Variants in RUFY2 observed in about 807,000 individuals in gnomAD.
RUFY2 encodes RUN and FYVE domain-containing protein 2.
Under a neutral mutation model 94.4 loss-of-function variants are expected in RUFY2, and 49 were observed. The ratio of observed to expected loss-of-function variants is 0.52; its 90% CI spans 0.41 to 0.66. RUFY2 has a LOEUF of 0.66. RUFY2 is among the 30% of genes least tolerant of loss of function. The pLI, the probability that RUFY2 is intolerant of heterozygous loss-of-function variation, is 0.00. For missense variants in RUFY2, 541 were observed against 692.8 expected, an observed-to-expected ratio of 0.78 and a Z score of 2.46; for synonymous variants, 255 against 235.7, an observed-to-expected ratio of 1.08 and a Z score of -0.75.
At chr10:68,342,823 T>TTAAG (rs1411925446), downstream of RUFY2, 2 of 152,602 alleles carry the variant, frequency 1.3e-5, no homozygotes, top group African/African-American at 2.4e-5. Context: ...GAATTCAGTA[T>TTAAG]TAAGTACATA....
intron 3 of RUFY2, among the ~76,000 whole-genome samples, chr10:68,401,275 TC>T (rs2050828001): frequency 6.6e-6 from 1 of 152,110 alleles, no homozygotes; most frequent in South Asian, 2.1e-4. Flanking sequence ...CCTAAATCAG[TC>T]TTTCCTCAAT....
chr10:68,376,572 G>C (rs1238067644), intron 13 of RUFY2, among the ~76,000 whole-genome samples: 1 of 143,820 alleles, frequency 7.0e-6, no homozygotes, highest in Non-Finnish European at 1.5e-5. Context: ...GAAACATAAT[G>C]ACCATCAGAT....
intron 13 of RUFY2, among the ~76,000 whole-genome samples, chr10:68,365,651 T>C (rs1311472759): frequency 6.6e-6 from 1 of 152,244 alleles, no homozygotes; most frequent in Non-Finnish European, 1.5e-5. Context: ...CAATATTTAA[T>C]ATTAGAAGTG....
At chr10:68,406,634 G>A (rs1043451379) in intron 1 of RUFY2, 9 of 959,064 alleles carry the variant, frequency 9.4e-6, no homozygotes, top group Admixed American at 6.2e-5. Flanking sequence ...GAGTACCAGG[G>A]CCAGTGCCCG....
chr10:68,368,797 T>C lies in RUFY2; in HGVS notation c.1326-4684A>G, dbSNP rs141472668. Among the ~76,000 whole-genome samples the C allele has an allele frequency of 3.2e-3, 481 of 152,222 alleles. 2 individuals are homozygous for C. Among genetic ancestry groups the C allele is most frequent in the African/African-American group, 0.011 (446 of 41,546 alleles). ...TATCTCATATATAGCTCATATTGGG[T>C]GTTGATGAAGCCCTCAACCCATTAA... On this transcript the variant is annotated intron_variant, in intron 13 of 17. Transcript: ENST00000602465.
rs764172830 is a variant in RUFY2, at chr10:68,376,442, GTATATATATATA to G, written c.1325+399_1325+410del. Reference sequence around the variant, plus strand: ...GAAACTTCATCTCAAAAAAATGTGTGTATATATATATATATATATATATATATATATATATAT... The same window carrying G: ...GAAACTTCATCTCAAAAAAATGTGTGTATATATATATATATATATATATAT... On this transcript the variant is annotated intron_variant, in intron 13 of 17. Transcript: ENST00000602465. Among the ~76,000 whole-genome samples the G allele has an allele frequency of 5.4e-3, 151 of 27,958 alleles. 5 individuals are homozygous for G. The highest frequency in any genetic ancestry group is 8.6e-3 in the African/African-American group (117 of 13,606). The allele number at this position is 27,958 out of a possible 152,430, so 18.3% of individuals were successfully genotyped here.
Position 68,345,341 on chromosome 10 carries a change from G to T in RUFY2, c.*427C>A, listed in dbSNP as rs1438319576. 1 of 337,604 alleles carries T rather than the reference G, an allele frequency of 3.0e-6. No homozygotes were observed. The highest frequency in any genetic ancestry group is 5.3e-6 in the Non-Finnish European group (1 of 189,086). The allele number at this position is 337,604 out of a possible 1,614,324, so 20.9% of individuals were successfully genotyped here. A position where few individuals can be genotyped will look rare whatever the true frequency, so the allele number is the denominator to read the frequency against. ...CTTACAAAGATAATGAAAATCTGTT[G>T]AATTAGAATATTAATAATTTTAAAA... On this transcript the variant is annotated 3_prime_UTR_variant, in exon 18 of 18. Coordinates refer to ENST00000602465, the MANE Select transcript of RUFY2 (RefSeq NM_001330103.2).
intron 13 of RUFY2, among the ~76,000 whole-genome samples, chr10:68,365,665 T>TG (rs1389873788): frequency 1.3e-5 from 2 of 152,258 alleles, no homozygotes; most frequent in Non-Finnish European, 2.9e-5. Context: ...AGAAGTGTTC[T>TG]GGTCTTTAAT....
rs1034669158 is a variant in RUFY2, at chr10:68,349,828, G to A, written c.1600-3744C>T. Among the ~76,000 whole-genome samples, 8 of 150,994 alleles carry A rather than the reference G, an allele frequency of 5.3e-5. No homozygotes were observed. The East Asian group carries it at 6.0e-4, about 11-fold the overall frequency. On this transcript the variant is annotated intron_variant, in intron 16 of 17. Coordinates refer to ENST00000602465, the MANE Select transcript of RUFY2 (RefSeq NM_001330103.2). ...GCTGGGATTACAGGCGTGAGCCACCGCGCCCGGCCAGAAAAAATTTTTTAA... is the reference window on the plus strand; with the variant it reads ...GCTGGGATTACAGGCGTGAGCCACCACGCCCGGCCAGAAAAAATTTTTTAA...
At chr10:68,364,592 G>A (rs565618738) in intron 13 of RUFY2, among the ~76,000 whole-genome samples, 32 of 152,272 alleles carry the variant, frequency 2.1e-4, no homozygotes, top group African/African-American at 6.5e-4. Context: ...CAGCCCTGTT[G>A]CAGAGTGCTA....
intron 15 of RUFY2, among the ~76,000 whole-genome samples, chr10:68,355,946 G>A (rs916128277): frequency 2.6e-5 from 4 of 150,980 alleles, no homozygotes; most frequent in African/African-American, 9.7e-5. Flanking sequence ...AAGAAATATT[G>A]GCATTTTCAT....
chr10:68,369,484 C>CAAAAAAAAAA (rs56118945), intron 13 of RUFY2, among the ~76,000 whole-genome samples: 1 of 135,946 alleles, frequency 7.4e-6, no homozygotes. Flanking sequence ...GACCTTGTCT[C>CAAAAAAAAAA]AAAAAAAAAA....
intron 3 of RUFY2, among the ~76,000 whole-genome samples, chr10:68,398,985 C>T (rs1428252918): frequency 6.6e-6 from 1 of 151,822 alleles, no homozygotes; most frequent in Non-Finnish European, 1.5e-5. Context: ...AAAATCTTTA[C>T]ACCTGATATA....
chr10:68,388,751 G>A (rs758454517), intron 7 of RUFY2, among the ~76,000 whole-genome samples: 3 of 149,374 alleles, frequency 2.0e-5, no homozygotes, highest in South Asian at 2.1e-4. Flanking sequence ...TAGGAGGATC[G>A]CTTGAGCCTG....
chr10:68,358,788 G>GT (rs1345004602), intron 15 of RUFY2, among the ~76,000 whole-genome samples: 4 of 152,022 alleles, frequency 2.6e-5, no homozygotes, highest in African/African-American at 9.7e-5. Context: ...GCACACACGT[G>GT]TAATTCCAGC....
chr10:68,396,040 C>T (rs1310235000), intron 4 of RUFY2, among the ~76,000 whole-genome samples: 2 of 152,154 alleles, frequency 1.3e-5, no homozygotes, highest in African/African-American at 4.8e-5. Flanking sequence ...CTCTTATCAC[C>T]CAGGCTGGAG....
intron 6 of RUFY2, among the ~76,000 whole-genome samples, chr10:68,393,511 T>C (rs1028432585): frequency 2.0e-5 from 3 of 152,086 alleles, no homozygotes; most frequent in Non-Finnish European, 4.4e-5. Context: ...GCAGGTCACT[T>C]GAGTCCAGGA....
chr10:68,367,380 C>G (rs1384524490), intron 13 of RUFY2, among the ~76,000 whole-genome samples: 12 of 152,176 alleles, frequency 7.9e-5, no homozygotes, highest in Admixed American at 3.9e-4. Flanking sequence ...ATTAATAAAT[C>G]TGATGACTTA....
chr10:68,379,377 A>G, intron 12 of RUFY2, 47 bp downstream of exon 12: 4 of 1,361,000 alleles, frequency 2.9e-6, no homozygotes, highest in Non-Finnish European at 4.1e-6. Flanking sequence ...ATAAAGAAAA[A>G]GGGAAGAAGA....
Sources: gnomAD v4.1 joint callset for allele counts (sites outside exome capture counted in the v4.1 genomes callset) on GRCh38, gnomAD v4.1.1 for gene constraint, MANE v1.5 for transcripts, NCBI Gene and HGNC (gene_info 2026-07-23, HGNC 2026-07-21) for gene names.